PCK2: variants seen among roughly 807,000 people sequenced by gnomAD.
The protein encoded by PCK2 is phosphoenolpyruvate carboxykinase [GTP], mitochondrial.
PCK2 carries 56 observed loss-of-function variants against 65.9 expected under a neutral mutation model. That is an observed-to-expected ratio of 0.85 (90% confidence interval 0.69 to 1.06). PCK2 has a LOEUF of 1.06. PCK2 is among the 50% of genes least tolerant of loss of function. PCK2 has a pLI of 0.00. For synonymous variants in PCK2, 305 were observed against 319.6 expected, an observed-to-expected ratio of 0.95 and a Z score of 0.49; for missense variants, 843 against 863.1, an observed-to-expected ratio of 0.98 and a Z score of 0.29.
chr14:24,098,678 G>A lies in PCK2; in HGVS notation c.664G>A (p.Gly222Arg), dbSNP rs773385825. ...CGTGGGCCAGCCCCTGACAGGACAAGGTAAGCACCTGCTCTGCCCCAAGGG... is the reference window on the plus strand; with the variant it reads ...CGTGGGCCAGCCCCTGACAGGACAAAGTAAGCACCTGCTCTGCCCCAAGGG... ...HSVGQPLTGQ[G>R]EPVSQWPCNP... Residue 222 changes from glycine (G) to arginine (R), a missense_variant and splice_region_variant, in exon 4 of 10, where the codon GGG becomes AGG. By Grantham distance (125) the Gly-to-Arg change is moderately radical. Coordinates refer to ENST00000216780, the MANE Select transcript of PCK2 (RefSeq NM_004563.4). 116 of 1,612,732 alleles carry A rather than the reference G, an allele frequency of 7.2e-5. No individual in the cohort carries two copies. Among genetic ancestry groups the A allele is most frequent in the Non-Finnish European group, 9.3e-5 (110 of 1,179,398 alleles).
rs764753980 is a variant in PCK2 at position 24,094,423 on chromosome 14, C to A, written c.18C>A (p.Arg6=). The A allele has an allele frequency of 2.4e-5, 38 of 1,557,874 alleles. No individual in the cohort carries two copies. The highest frequency in any genetic ancestry group is 3.0e-5 in the Non-Finnish European group (35 of 1,156,762). The change falls in exon 1 of 10, where the codon CGC becomes CGA. Residue 6 remains arginine, a synonymous_variant. Transcript: ENST00000216780. The surrounding 1 kb of genome is among the most constrained non-coding windows in gnomAD (Gnocchi z 4.1). MAALY[R]PGLRLNWHGL... is the part of the protein sequence containing the mutation. ...CAGGTGCCATGGCCGCATTGTACCG[C>A]CCTGGCCTGCGGTGAGTGACCCCCG...
rs201814810 is a variant in PCK2, at chr14:24,099,204, C to G, written c.820C>G (p.Arg274Gly). Residue 274 changes from arginine to glycine, a missense_variant, in exon 5 of 10, where the codon CGG (arginine) becomes GGG (glycine). Coordinates refer to ENST00000216780, the MANE Select transcript of PCK2 (RefSeq NM_004563.4). ...FALRIASRLA[R>G]DEGWLAEHML... is the part of the protein sequence containing the mutation. ...CCTACGCATCGCCTCTCGGCTGGCCCGGGATGAGGGCTGGCTGGCAGAGCA... is the reference window on the plus strand; with the variant it reads ...CCTACGCATCGCCTCTCGGCTGGCCGGGGATGAGGGCTGGCTGGCAGAGCA... The G allele has an allele frequency of 6.2e-7, 1 of 1,601,592 alleles. No homozygotes were observed. Among genetic ancestry groups the G allele is most frequent in the Non-Finnish European group, 8.5e-7 (1 of 1,177,098 alleles).
At chr14:24,095,204 C>A in intron 1 of PCK2, 2 of 456,064 alleles carry the variant, frequency 4.4e-6, no homozygotes, top group South Asian at 3.1e-5. Context: ...CTTGGGCAGC[C>A]CTTGTGGGTG....
chr14:24,094,290 C>T, upstream of PCK2: 6 of 1,037,568 alleles, frequency 5.8e-6, no homozygotes, highest in Admixed American at 2.4e-5. This position sits in a 1 kb window ranked among gnomAD's most constrained non-coding sequence, Gnocchi z 4.1. Flanking sequence ...CCTTTTTAAG[C>T]GCCTCCCGCC....
chr14:24,099,089 CCT>C lies in PCK2; in HGVS notation c.706_707del (p.Leu236AspfsTer40), dbSNP rs2138953538. Reference sequence around the variant, plus strand: ...AGTGGCCGTGCAACCCAGAGAAAACCCTGATTGGCCACGTGCCCGACCAGCGG... The same window carrying C: ...AGTGGCCGTGCAACCCAGAGAAAACCGATTGGCCACGTGCCCGACCAGCGG... ...SQWPCNPEKT[L>X]IGHVPDQREI... is the part of the protein sequence containing the mutation. On this transcript the variant is annotated frameshift_variant, in exon 5 of 10. Transcript: ENST00000216780. LOFTEE classifies it high-confidence loss of function. The C allele has an allele frequency of 6.2e-7, 1 of 1,610,914 alleles. No individual in the cohort carries two copies.
chr14:24,096,822 G>A, intron 1 of PCK2, 70 bp from the exon 2 acceptor site: 1 of 1,414,358 alleles, frequency 7.1e-7, no homozygotes, highest in Non-Finnish European at 9.8e-7. Flanking sequence ...CAAGCTTTCT[G>A]TCTCTCCACC....
chr14:24,097,313 G>A (rs942045995), intron 2 of PCK2, among the ~76,000 whole-genome samples, 176 bp downstream of exon 2: 2 of 151,736 alleles, frequency 1.3e-5, no homozygotes, highest in African/African-American at 4.8e-5. Flanking sequence ...CACTTTGAGA[G>A]GCCAAGGCGG....
Position 24,097,066 on chromosome 14 carries a change from T to C in PCK2, c.204T>C (p.Ala68=), listed in dbSNP as rs1305390963. ...TCCACATCTGTGATGGAACTGAGGCTGAGAATACTGCCACACTGACCCTGC... is the reference window on the plus strand; with the variant it reads ...TCCACATCTGTGATGGAACTGAGGCCGAGAATACTGCCACACTGACCCTGC... The part of the protein sequence containing the change: ...EGIHICDGTE[A]ENTATLTLLE... The change falls in exon 2 of 10, where the codon GCT becomes GCC. Residue 68 remains alanine, a synonymous_variant. Coordinates refer to ENST00000216780, the MANE Select transcript of PCK2 (RefSeq NM_004563.4). 1.2e-6 allele frequency: 2 copies of C among 1,613,108 alleles called. No homozygotes were observed. The highest frequency in any genetic ancestry group is 1.7e-6 in the Non-Finnish European group (2 of 1,179,416).
At position 24,103,263 on chromosome 14, in the gene PCK2, C is replaced by T. The variant is rs1221330516; in HGVS notation, c.1468+8C>T. On this transcript the variant is annotated splice_region_variant and intron_variant, in intron 9 of 9. Coordinates refer to ENST00000216780, the MANE Select transcript of PCK2 (RefSeq NM_004563.4). ...CTGCAGCAGAACACAAAGGTGAGCA[C>T]CCTCACCATTCCTCCCTCTCCTGTG... The T allele has an allele frequency of 6.3e-7, 1 of 1,593,308 alleles. No homozygotes were observed. The highest frequency in any genetic ancestry group is 8.6e-7 in the Non-Finnish European group (1 of 1,161,208).
Position 24,103,786 on chromosome 14 carries a change from T to C in PCK2, c.1745T>C (p.Leu582Ser), listed in dbSNP as rs1424536900. The change falls in exon 10 of 10, where the codon TTG (leucine) becomes TCG (serine). Residue 582 changes from leucine (L) to serine (S), a missense_variant. Coordinates refer to ENST00000216780, the MANE Select transcript of PCK2 (RefSeq NM_004563.4). ...GGGCTGGTGCCAAAGGAAGGAGCCT[T>C]GGATCTCAGCGGCCTCAGAGCTATA... ...PIGLVPKEGALDLSGLRAIDT... is the reference protein window; with the variant it reads ...PIGLVPKEGASDLSGLRAIDT... 22 of 1,614,002 alleles carry C rather than the reference T, an allele frequency of 1.4e-5. No individual in the cohort carries two copies. The highest frequency in any genetic ancestry group is 1.9e-5 in the Non-Finnish European group (22 of 1,180,020).
chr14:24,101,661 A>G (rs1012752470), intron 7 of PCK2, among the ~76,000 whole-genome samples: 3 of 152,230 alleles, frequency 2.0e-5, no homozygotes, highest in Non-Finnish European at 2.9e-5. Context: ...AGTGACTCAC[A>G]TCTGTAATCC....
At position 24,094,393 on chromosome 14, in the gene PCK2, C is replaced by CT; in HGVS notation, c.-12dup. ...TCGGTTCCTGGCCACCCCGCAGCCC[C>CT]TGCCCAGGTGCCATGGCCGCATTGT... On this transcript the variant is annotated 5_prime_UTR_variant, in exon 1 of 10. Coordinates refer to ENST00000216780, the MANE Select transcript of PCK2 (RefSeq NM_004563.4). This position sits in a 1 kb window ranked among gnomAD's most constrained non-coding sequence, Gnocchi z 4.1. 1.3e-6 allele frequency: 2 copies of CT among 1,553,992 alleles called. No individual in the cohort carries two copies. Among genetic ancestry groups the CT allele is most frequent in the Non-Finnish European group, 1.7e-6 (2 of 1,153,902 alleles).
Position 24,100,226 on chromosome 14 carries a change from G to A in PCK2, c.1234+13G>A. The A allele has an allele frequency of 6.2e-7, 1 of 1,613,918 alleles. No homozygotes were observed. The highest frequency in any genetic ancestry group is 2.2e-5 in the East Asian group (1 of 44,880). On this transcript the variant is annotated intron_variant, in intron 7 of 9. Transcript: ENST00000216780. ...CCCTGGAAACCTGGTATGTGCGGTG[G>A]GGAAGGTGTGGCACAGCCTCCAGGC...
rs374328821 is a variant in PCK2 at position 24,103,698 on chromosome 14, C to A, written c.1657C>A (p.Arg553=). The A allele has an allele frequency of 6.2e-7, 1 of 1,614,040 alleles. No homozygotes were observed. The highest frequency in any genetic ancestry group is 8.5e-7 in the Non-Finnish European group (1 of 1,180,028). Residue 553 remains arginine, a synonymous_variant, in exon 10 of 10, where the codon CGG becomes AGG. Coordinates refer to ENST00000216780, the MANE Select transcript of PCK2 (RefSeq NM_004563.4). The stretch of plus-strand genomic sequence containing the variant: ...GTGGCCAGGCTTTGGGGAGAATGCT[C>A]GGGTGCTAGACTGGATCTGCCGGCG... ...FLWPGFGENA[R]VLDWICRRLE...
At position 24,100,233 on chromosome 14, in the gene PCK2, T is replaced by C. The variant is rs201990294; in HGVS notation, c.1234+20T>C. 2 of 1,613,648 alleles carry C rather than the reference T, an allele frequency of 1.2e-6. No individual in the cohort carries two copies. The highest frequency in any genetic ancestry group is 2.7e-5 in the African/African-American group (2 of 75,028). The stretch of plus-strand genomic sequence containing the variant: ...AACCTGGTATGTGCGGTGGGGAAGG[T>C]GTGGCACAGCCTCCAGGCCTCAGCA... On this transcript the variant is annotated intron_variant, in intron 7 of 9. Transcript: ENST00000216780.
Position 24,094,847 on chromosome 14 carries a change from T to C in PCK2, c.29+413T>C, listed in dbSNP as rs1180607251. 10 of 1,309,258 alleles carry C rather than the reference T, an allele frequency of 7.6e-6. No homozygotes were observed. The highest frequency in any genetic ancestry group is 1.0e-5 in the Non-Finnish European group (10 of 1,002,170). The allele number at this position is 1,309,258 out of a possible 1,614,324, so 81.1% of individuals were successfully genotyped here. A position where few individuals can be genotyped will look rare whatever the true frequency, so the allele number is the denominator to read the frequency against. On this transcript the variant is annotated intron_variant, in intron 1 of 9. Coordinates refer to ENST00000216780, the MANE Select transcript of PCK2 (RefSeq NM_004563.4). The surrounding 1 kb of genome is among the most constrained non-coding windows in gnomAD (Gnocchi z 4.1). ...GGCAGCAGGGCCCTGGGGACAAGGGTACGTGAGCCCCGGGAGACTAAGCTC... is the reference window on the plus strand; with the variant it reads ...GGCAGCAGGGCCCTGGGGACAAGGGCACGTGAGCCCCGGGAGACTAAGCTC...
chr14:24,102,669 C>T, intron 7 of PCK2, 84 bp from the exon 8 acceptor site: 1 of 1,198,606 alleles, frequency 8.3e-7, no homozygotes, highest in Non-Finnish European at 1.2e-6. Context: ...AAAAAAGAAC[C>T]CTGCAAGAAT....
At chr14:24,099,377 C>A in intron 5 of PCK2, 141 bp downstream of exon 5, 1 of 1,009,208 alleles carries the variant, frequency 9.9e-7, no homozygotes, top group Non-Finnish European at 1.4e-6. Context: ...AAAGCTTTGG[C>A]CTCAGGCTGC....
At chr14:24,097,771 T>G (rs1339934328) in intron 2 of PCK2, among the ~76,000 whole-genome samples, 1 of 151,900 alleles carries the variant, frequency 6.6e-6, no homozygotes, top group Non-Finnish European at 1.5e-5. Flanking sequence ...TTTTTGTATT[T>G]TTAGTAGAGA....
Sources: gnomAD v4.1 joint callset for allele counts (sites outside exome capture counted in the v4.1 genomes callset) on GRCh38, gnomAD v4.1.1 for gene constraint, Gnocchi (gnomAD v3.1) non-coding constraint, MANE v1.5 for transcripts, NCBI Gene and HGNC (gene_info 2026-07-23, HGNC 2026-07-21) for gene names.